The following CEMIP variants were observed in gnomAD, a reference collection of about 807,000 sequenced individuals.
CEMIP encodes cell migration-inducing and hyaluronan-binding protein.
In CEMIP, 105 loss-of-function variants were observed where a neutral mutation model predicts 156.9. The ratio of observed to expected loss-of-function variants is 0.67; its 90% CI spans 0.57 to 0.79. CEMIP has a LOEUF of 0.79. Ranked by LOEUF, CEMIP falls within the 30% of genes least tolerant of loss-of-function variation. The pLI, the probability that CEMIP is intolerant of heterozygous loss-of-function variation, is 0.00. For missense variants in CEMIP, 1,457 were observed against 1,769.4 expected (o/e 0.82, Z 3.17); for synonymous variants, 676 against 668.4 (o/e 1.01, Z -0.17).
At chr15:80,785,759 C>G (rs1282534550) in intron 1 of CEMIP, among the ~76,000 whole-genome samples, 1 of 152,116 alleles carries the variant, frequency 6.6e-6, no homozygotes, top group African/African-American at 2.4e-5. Flanking sequence ...AGGCCTAAAC[C>G]CCTTACTTCC....
At chr15:80,786,077 G>C (rs150205945) in intron 1 of CEMIP, among the ~76,000 whole-genome samples, 70 of 152,298 alleles carry the variant, frequency 4.6e-4, no homozygotes, top group African/African-American at 1.6e-3. Context: ...TTGGGGATGG[G>C]AGCTGATTTT....
chr15:80,839,289 A>ATGTGT (rs71455356), intron 1 of CEMIP, among the ~76,000 whole-genome samples: 32 of 131,186 alleles, frequency 2.4e-4, no homozygotes, highest in African/African-American at 9.8e-4. Context: ...CAAGGCCGTG[A>ATGTGT]GTGTGTGTGT....
chr15:80,936,042 CAG>C (rs1901109414), intron 23 of CEMIP, among the ~76,000 whole-genome samples: 1 of 152,216 alleles, frequency 6.6e-6, no homozygotes, highest in Non-Finnish European at 1.5e-5. Context: ...CCGGCCAACA[CAG>C]TGTTTTAAAC....
intron 7 of CEMIP, among the ~76,000 whole-genome samples, chr15:80,887,187 GAAGA>G (rs1898874728): frequency 6.6e-6 from 1 of 152,138 alleles, no homozygotes; most frequent in Admixed American, 6.5e-5. Flanking sequence ...CCATTAAGAA[GAAGA>G]GAGATTTCTC....
At chr15:80,909,533 C>G (rs535250581) in intron 14 of CEMIP, 5 of 621,746 alleles carry the variant, frequency 8.0e-6, no homozygotes, top group Admixed American at 6.3e-5. Flanking sequence ...AGAGTGATTA[C>G]TTTGTGGTGG....
intron 1 of CEMIP, among the ~76,000 whole-genome samples, chr15:80,820,290 G>A (rs187277750): frequency 1.3e-4 from 20 of 152,266 alleles, no homozygotes; most frequent in Admixed American, 6.5e-4. Context: ...TATAAATACC[G>A]TGAGTCACAT....
intron 1 of CEMIP, among the ~76,000 whole-genome samples, chr15:80,814,043 CTTTTTTT>C (rs778309859): frequency 1.4e-5 from 1 of 73,728 alleles, no homozygotes; most frequent in African/African-American, 5.9e-5. Context: ...AACTCTTTGG[CTTTTTTT>C]TTTTTTTTTT....
chr15:80,935,196 T>C (rs1350092662), intron 23 of CEMIP, among the ~76,000 whole-genome samples: 2 of 151,936 alleles, frequency 1.3e-5, no homozygotes, highest in African/African-American at 4.8e-5. Context: ...TATGATGATG[T>C]GAGGAAGATA....
chr15:80,866,236 C>T (rs1596143483), intron 1 of CEMIP, among the ~76,000 whole-genome samples: 2 of 152,264 alleles, frequency 1.3e-5, no homozygotes, highest in East Asian at 3.9e-4. Flanking sequence ...TCCTCTTTGG[C>T]TCTGTAGGTG....
chr15:80,940,409 G>A (rs1411403925), intron 25 of CEMIP, among the ~76,000 whole-genome samples: 3 of 152,234 alleles, frequency 2.0e-5, no homozygotes, highest in Non-Finnish European at 4.4e-5. Flanking sequence ...TCCCATTTCT[G>A]TGCTTGGTCC....
intron 1 of CEMIP, among the ~76,000 whole-genome samples, chr15:80,821,788 AAGG>A (rs1896916194): frequency 6.6e-6 from 1 of 152,166 alleles, no homozygotes; most frequent in South Asian, 2.1e-4. Context: ...CTGAAAGGAG[AAGG>A]AGGACTGCCT....
chr15:80,790,631 G>A (rs117802372), intron 1 of CEMIP, among the ~76,000 whole-genome samples: 165 of 152,266 alleles, frequency 1.1e-3, no homozygotes, highest in African/African-American at 3.7e-3. Context: ...CTATGTCACC[G>A]TGAGTCCAAA....
chr15:80,941,186 AC>A (rs1901321021), intron 25 of CEMIP, among the ~76,000 whole-genome samples: 6 of 152,054 alleles, frequency 3.9e-5, no homozygotes, highest in Admixed American at 3.9e-4. Flanking sequence ...GGTGGTAGAT[AC>A]CCCATATCCT....
At chr15:80,825,356 T>C (rs73501013) in intron 1 of CEMIP, among the ~76,000 whole-genome samples, 3,718 of 152,276 alleles carry the variant, frequency 0.024, 142 homozygotes, top group African/African-American at 0.086. Flanking sequence ...GGTTAAATGA[T>C]GTGTCAAGAA....
chr15:80,854,197 C>T (rs1897784958), intron 1 of CEMIP, among the ~76,000 whole-genome samples: 1 of 152,250 alleles, frequency 6.6e-6, no homozygotes, highest in Non-Finnish European at 1.5e-5. Context: ...TAACTTTTTC[C>T]AACTGAAGCC....
chr15:80,890,083 G>T (rs1898985058), intron 10 of CEMIP, among the ~76,000 whole-genome samples: 1 of 152,190 alleles, frequency 6.6e-6, no homozygotes, highest in Non-Finnish European at 1.5e-5. Flanking sequence ...CATCTGAAGG[G>T]GACCTTGATG....
intron 1 of CEMIP, among the ~76,000 whole-genome samples, chr15:80,797,799 C>A (rs753767458): frequency 6.6e-6 from 1 of 152,236 alleles, no homozygotes; most frequent in South Asian, 2.1e-4. Flanking sequence ...AGTCCTGCAG[C>A]TTCGGGTTCT....
chr15:80,889,479 T>A lies in CEMIP; in HGVS notation c.973T>A (p.Trp325Arg). The change falls in exon 10 of 30, where the codon TGG (tryptophan) becomes AGG (arginine). Residue 325 changes from tryptophan (W) to arginine (R), a missense_variant. Coordinates refer to ENST00000394685, the MANE Select transcript of CEMIP (RefSeq NM_001293298.2). ...GTTTGCTTTCTGCCTAGACGTGGAGTGGACGGAGTGGTTCGATCATGATAA... is the reference window on the plus strand; with the variant it reads ...GTTTGCTTTCTGCCTAGACGTGGAGAGGACGGAGTGGTTCGATCATGATAA... ...LSSEWVQDVE[W>R]TEWFDHDKVS... 1.2e-6 allele frequency: 2 copies of A among 1,613,896 alleles called. No individual in the cohort carries two copies. The highest frequency in any genetic ancestry group is 1.7e-6 in the Non-Finnish European group (2 of 1,179,944).
chr15:80,785,097 C>G (rs1441419893), intron 1 of CEMIP, among the ~76,000 whole-genome samples: 1 of 152,184 alleles, frequency 6.6e-6, no homozygotes, highest in Non-Finnish European at 1.5e-5. Context: ...TTCCAAAGCT[C>G]TCTGGACCGA....
Sources: allele counts gnomAD v4.1 joint callset (sites outside exome capture counted in the v4.1 genomes callset), GRCh38; gene constraint gnomAD v4.1.1; transcripts MANE v1.5; gene names NCBI Gene and HGNC (gene_info 2026-07-23, HGNC 2026-07-21).